The following ATP6V0A4 variants were observed in gnomAD, a reference collection of about 807,000 sequenced individuals.
The protein encoded by ATP6V0A4 is V-type proton ATPase 116 kDa subunit a 4.
A neutral mutation model predicts 107.3 loss-of-function variants in ATP6V0A4; 86 were observed. The ratio of observed to expected loss-of-function variants is 0.80; its 90% CI spans 0.67 to 0.96. The LOEUF is 0.96. Among genes scored for constraint, ATP6V0A4 ranks in the 40% least tolerant of loss-of-function variants. The pLI, the probability that ATP6V0A4 is intolerant of heterozygous loss-of-function variation, is 0.00. For missense variants in ATP6V0A4, 908 were observed against 1,045.6 expected (o/e 0.87, Z 1.81); for synonymous variants, 353 against 381.4 (o/e 0.93, Z 0.87).
At chr7:138,720,036 A>AC (rs1804353914) in intron 19 of ATP6V0A4, among the ~76,000 whole-genome samples, 1 of 151,864 alleles carries the variant, frequency 6.6e-6, no homozygotes, top group African/African-American at 2.4e-5. Flanking sequence ...AAAAAAAAAA[A>AC]CAAAAACAAC....
chr7:138,728,932 T>C, intron 17 of ATP6V0A4, 70 bp from the exon 18 acceptor site: 2 of 1,611,464 alleles, frequency 1.2e-6, no homozygotes, highest in Non-Finnish European at 1.7e-6. Context: ...GTGATGAAAA[T>C]GACCACTATG....
chr7:138,758,168 G>T (rs1030746505), intron 8 of ATP6V0A4, among the ~76,000 whole-genome samples: 2 of 152,158 alleles, frequency 1.3e-5, no homozygotes, highest in Non-Finnish European at 2.9e-5. Context: ...AAAAAGTGAT[G>T]ATTTAATGTC....
intron 20 of ATP6V0A4, among the ~76,000 whole-genome samples, chr7:138,711,224 G>A (rs144257886): frequency 6.6e-6 from 1 of 152,284 alleles, no homozygotes; most frequent in East Asian, 1.9e-4. Context: ...CCTGAGGGGA[G>A]TGAAATCCAA....
chr7:138,725,673 C>T (rs987915281), intron 18 of ATP6V0A4, among the ~76,000 whole-genome samples: 6 of 152,060 alleles, frequency 3.9e-5, no homozygotes, highest in Admixed American at 1.3e-4. Context: ...ACCACCACGC[C>T]GGCTAATTTT....
intron 17 of ATP6V0A4, 170 bp from the exon 18 acceptor site, chr7:138,729,032 AGAG>A: frequency 1.2e-6 from 1 of 855,100 alleles, no homozygotes; most frequent in African/African-American, 1.8e-5. Flanking sequence ...CCTTGCAGAT[AGAG>A]AAATATCTGT....
At chr7:138,745,964 T>A (rs867966626) in intron 13 of ATP6V0A4, among the ~76,000 whole-genome samples, 1,586 of 34,642 alleles carry the variant, frequency 0.046, 33 homozygotes, top group Non-Finnish European at 0.07. Flanking sequence ...AAAAAAAAAA[T>A]ATATATATAT....
chr7:138,741,372 T>C (rs892442314), intron 14 of ATP6V0A4, among the ~76,000 whole-genome samples: 1 of 152,050 alleles, frequency 6.6e-6, no homozygotes, highest in Admixed American at 6.5e-5. Flanking sequence ...CCCATCCTAA[T>C]GGCATGACTC....
chr7:138,745,943 C>CAA (rs1185253786), intron 13 of ATP6V0A4, among the ~76,000 whole-genome samples: 121 of 72,090 alleles, frequency 1.7e-3, no homozygotes, highest in Middle Eastern at 9.8e-3. Flanking sequence ...GACTCTGTCT[C>CAA]AAAAAAAAAA....
At chr7:138,762,039 G>A (rs1320039777) in intron 7 of ATP6V0A4, among the ~76,000 whole-genome samples, 2 of 152,232 alleles carry the variant, frequency 1.3e-5, no homozygotes, top group African/African-American at 2.4e-5. Context: ...TTGTTCCAAC[G>A]CCAGGGAAGA....
chr7:138,762,316 T>G, intron 7 of ATP6V0A4, 24 bp downstream of exon 7: 1 of 1,613,398 alleles, frequency 6.2e-7, no homozygotes, highest in Non-Finnish European at 8.5e-7. Flanking sequence ...CAGGGACCCA[T>G]CTACACACAA....
intron 13 of ATP6V0A4, among the ~76,000 whole-genome samples, chr7:138,747,071 C>G (rs1691224140): frequency 6.6e-6 from 1 of 152,118 alleles, no homozygotes; most frequent in Non-Finnish European, 1.5e-5. Context: ...CAAAAGCATT[C>G]ATGGTGATTT....
chr7:138,763,790 G>C (rs974866286), intron 5 of ATP6V0A4, among the ~76,000 whole-genome samples: 1 of 151,764 alleles, frequency 6.6e-6, no homozygotes, highest in Non-Finnish European at 1.5e-5. Flanking sequence ...TTCAAGACCA[G>C]CCTGGCCAAC....
chr7:138,732,834 A>G (rs758371610), intron 17 of ATP6V0A4, 43 bp downstream of exon 17: 1 of 1,472,780 alleles, frequency 6.8e-7, no homozygotes, highest in Non-Finnish European at 9.1e-7. Flanking sequence ...GACATAATCA[A>G]GTAAATAAAA....
chr7:138,718,540 A>G (rs1483818123), intron 19 of ATP6V0A4, among the ~76,000 whole-genome samples: 3 of 117,184 alleles, frequency 2.6e-5, no homozygotes, highest in Admixed American at 1.0e-4. Flanking sequence ...CGGGTGGTGC[A>G]GTCACCGATG....
chr7:138,752,967 C>A, intron 10 of ATP6V0A4, 130 bp from the exon 11 acceptor site: 1 of 1,520,896 alleles, frequency 6.6e-7, no homozygotes, highest in Non-Finnish European at 8.8e-7. Context: ...CTGTGGCTGT[C>A]ACCTGGCCTT....
intron 20 of ATP6V0A4, among the ~76,000 whole-genome samples, chr7:138,714,663 G>A (rs769746346): frequency 2.6e-5 from 4 of 152,186 alleles, no homozygotes; most frequent in Non-Finnish European, 5.9e-5. Flanking sequence ...AATTCACAAA[G>A]GTGGTGAGCA....
rs1311601594 is a variant in ATP6V0A4 at position 138,796,100 on chromosome 7, G to A, written c.-121+1934C>T. Among the ~76,000 whole-genome samples, 4 of 152,082 alleles carry A rather than the reference G, an allele frequency of 2.6e-5. No homozygotes were observed. The East Asian group carries it at 7.7e-4, about 29-fold the overall frequency. On this transcript the variant is annotated intron_variant, in intron 1 of 21. Coordinates refer to ENST00000310018, the MANE Select transcript of ATP6V0A4 (RefSeq NM_020632.3). The stretch of plus-strand genomic sequence containing the variant: ...CCTGCCCTGTGAAGCCCACTGCAGG[G>A]TTTACTTGTGAGGAAAACATCGAGG...
chr7:138,784,520 G>A (rs1017386389), intron 2 of ATP6V0A4, among the ~76,000 whole-genome samples: 5 of 151,338 alleles, frequency 3.3e-5, no homozygotes, highest in African/African-American at 4.9e-5. Flanking sequence ...GTGTTTCACC[G>A]TGTTAGCCAG....
chr7:138,734,283 G>A, intron 15 of ATP6V0A4, 29 bp from the exon 16 acceptor site: 1 of 1,611,636 alleles, frequency 6.2e-7, no homozygotes, highest in African/African-American at 1.3e-5. Context: ...AAAAAACCAA[G>A]TGAGAGAGAG....
Sources: allele counts gnomAD v4.1 joint callset (sites outside exome capture counted in the v4.1 genomes callset), GRCh38; gene constraint gnomAD v4.1.1; transcripts MANE v1.5; gene names NCBI Gene and HGNC (gene_info 2026-07-23, HGNC 2026-07-21).